NPR2: variants seen among roughly 807,000 people sequenced by gnomAD.
NPR2 encodes the protein natriuretic peptide receptor 2, also known as atrial natriuretic peptide receptor 2.
In NPR2, 49 loss-of-function variants were observed where a neutral mutation model predicts 120.7. The ratio of observed to expected loss-of-function variants is 0.41; its 90% confidence interval spans 0.32 to 0.52. The LOEUF (loss-of-function observed/expected upper bound fraction) is 0.52, where lower values mean the gene tolerates loss of function less well. Ranked by LOEUF, NPR2 falls within the 20% of genes least tolerant of loss-of-function variation. The pLI, the probability that NPR2 is intolerant of heterozygous loss-of-function variation, is 0.36. For synonymous variants in NPR2, 484 were observed against 519.8 expected (o/e 0.93, Z 0.94); for missense variants, 931 against 1,362.9 (o/e 0.68, Z 4.99).
Position 35,806,414 on chromosome 9 carries a change from G to A in NPR2, c.2395G>A (p.Asp799Asn). ...TAGGGAGGGTGGCACCAGCATATTG[G>A]ACAACCTCCTGCTGCGCATGGAACA... ...FNKEGGTSIL[D>N]NLLLRMEQYA... The change falls in exon 16 of 22, where the codon GAC (aspartate) becomes AAC (asparagine). Residue 799 changes from aspartate to asparagine, a missense_variant. By Grantham distance (23) the Asp-to-Asn change is conservative. Coordinates refer to ENST00000342694, the MANE Select transcript of NPR2 (RefSeq NM_003995.4). This position sits in a 1 kb window ranked among gnomAD's most constrained non-coding sequence, Gnocchi z 4.6. 6.2e-7 allele frequency: 1 copy of A among 1,614,016 alleles called. No homozygotes were observed. Among genetic ancestry groups the A allele is most frequent in the Non-Finnish European group, 8.5e-7 (1 of 1,179,904 alleles).
In NPR2 at chr9:35,802,250, G is replaced by A. The variant is rs1828197088; in HGVS notation, c.1677G>A (p.Glu559=). The A allele has an allele frequency of 1.2e-6, 2 of 1,608,138 alleles. No homozygotes were observed. The highest frequency in any genetic ancestry group is 1.7e-6 in the Non-Finnish European group (2 of 1,174,970). ...AACATGTGAATAAGAAGCGCATTGA[G>A]CTGACCCGGCAGGTTCTGTTTGAAC... The part of the protein sequence containing the change: ...AIKHVNKKRI[E]LTRQVLFELK... Residue 559 remains glutamate, a synonymous_variant, in exon 10 of 22, where the codon GAG becomes GAA. Transcript: ENST00000342694. The surrounding 1 kb of genome is among the most constrained non-coding windows in gnomAD (Gnocchi z 4.2).
intron 2 of NPR2, among the ~76,000 whole-genome samples, chr9:35,798,224 G>C (rs745748836): frequency 3.3e-5 from 5 of 152,190 alleles, no homozygotes; most frequent in African/African-American, 1.2e-4. Flanking sequence ...TGTTGAACCT[G>C]ATCTTTTCTC....
intron 12 of NPR2, among the ~76,000 whole-genome samples, chr9:35,803,540 A>T (rs1156344431): frequency 6.6e-6 from 1 of 152,242 alleles, no homozygotes; most frequent in East Asian, 1.9e-4. Flanking sequence ...ACTGAAATTT[A>T]AAAAAGGAAC....
rs753013012 is a variant in NPR2 at position 35,801,190 on chromosome 9, C to T, written c.1436+36C>T. On this transcript the variant is annotated intron_variant, in intron 7 of 21. Transcript: ENST00000342694. Reference sequence around the variant, plus strand: ...GGTTTCTTGCTGACCTACTCCCTGCCCCCATTGCCACACAACCTCTGGCTG... The same window carrying T: ...GGTTTCTTGCTGACCTACTCCCTGCTCCCATTGCCACACAACCTCTGGCTG... The T allele has an allele frequency of 2.7e-6, 4 of 1,483,572 alleles. No individual in the cohort carries two copies. The African/African-American group carries it at 5.5e-5, about 20-fold the overall frequency. The allele number at this position is 1,483,572 out of a possible 1,614,324, so 91.9% of individuals were successfully genotyped here.
At chr9:35,795,653 G>A (rs1414822373) in intron 2 of NPR2, among the ~76,000 whole-genome samples, 1 of 152,202 alleles carries the variant, frequency 6.6e-6, no homozygotes. Context: ...ATGGGCAGTG[G>A]CAGGGCAGGT....
chr9:35,800,953 C>A lies in NPR2; in HGVS notation c.1351+112C>A. On this transcript the variant is annotated intron_variant, in intron 6 of 21. Coordinates refer to ENST00000342694, the MANE Select transcript of NPR2 (RefSeq NM_003995.4). This position sits in a 1 kb window ranked among gnomAD's most constrained non-coding sequence, Gnocchi z 4.7. ...TGTGCTTCTGCCTTTACGTCTGCAT[C>A]CCTCCCTCCTCATTTCTTCCTACTC... is the stretch of plus-strand genomic sequence containing the variant. 1 of 1,541,554 alleles carries A rather than the reference C, an allele frequency of 6.5e-7. No individual in the cohort carries two copies. Among genetic ancestry groups the A allele is most frequent in the Non-Finnish European group, 9.0e-7 (1 of 1,113,884 alleles).
chr9:35,793,163 A>G, intron 1 of NPR2, 88 bp downstream of exon 1: 1 of 1,354,422 alleles, frequency 7.4e-7, no homozygotes, highest in Non-Finnish European at 9.9e-7. Flanking sequence ...AGATGGAGAT[A>G]GGCATTGAGC....
Position 35,809,420 on chromosome 9 carries a change from G to T in NPR2, c.3119G>T (p.Arg1040Leu), listed in dbSNP as rs146546770. The stretch of plus-strand genomic sequence containing the variant: ...CGAACATACTGGCTCTTAGGAGAGC[G>T]GAAAGGACCTCCTGGACTCCTGTAA... ...KMRTYWLLGERKGPPGLL is the reference protein window; with the variant it reads ...KMRTYWLLGELKGPPGLL Residue 1040 changes from arginine to leucine, a missense_variant, in exon 22 of 22, where the codon CGG (arginine) becomes CTG (leucine). By Grantham distance (102) the Arg-to-Leu change is moderately radical. Coordinates refer to ENST00000342694, the MANE Select transcript of NPR2 (RefSeq NM_003995.4). This position sits in a 1 kb window ranked among gnomAD's most constrained non-coding sequence, Gnocchi z 4.1. The T allele has an allele frequency of 1.9e-6, 3 of 1,614,150 alleles. No individual in the cohort carries two copies. Among genetic ancestry groups the T allele is most frequent in the Non-Finnish European group, 2.5e-6 (3 of 1,180,032 alleles).
chr9:35,795,794 T>C (rs1234068833), intron 2 of NPR2, among the ~76,000 whole-genome samples: 2 of 152,230 alleles, frequency 1.3e-5, no homozygotes, highest in African/African-American at 4.8e-5. Context: ...TAAGTGGGAC[T>C]GAATTTCCTA....
chr9:35,794,094 G>A lies in NPR2; in HGVS notation c.864G>A (p.Glu288=). 6.2e-7 allele frequency: 1 copy of A among 1,613,744 alleles called. No individual in the cohort carries two copies. Among genetic ancestry groups the A allele is most frequent in the Non-Finnish European group, 8.5e-7 (1 of 1,179,700 alleles). Reference sequence around the variant, plus strand: ...GGGAACAGGCCCAGGCCCTCAGAGAGGCCTTTCAGGTATCATTTGAGCCAA... The same window carrying A: ...GGGAACAGGCCCAGGCCCTCAGAGAAGCCTTTCAGGTATCATTTGAGCCAA... ...RTREQAQALR[E]AFQTVLVITY... is the part of the protein sequence containing the mutation. The change falls in exon 2 of 22, where the codon GAG becomes GAA. Residue 288 remains glutamate, a synonymous_variant. Coordinates refer to ENST00000342694, the MANE Select transcript of NPR2 (RefSeq NM_003995.4).
rs1264860622 is a variant in NPR2, at chr9:35,808,278, G to A, written c.2713-231G>A. 7.4e-6 allele frequency: 12 copies of A among 1,613,506 alleles called. No homozygotes were observed. The highest frequency in any genetic ancestry group is 6.7e-5 in the Admixed American group (4 of 59,988). On this transcript the variant is annotated intron_variant, in intron 18 of 21. Coordinates refer to ENST00000342694, the MANE Select transcript of NPR2 (RefSeq NM_003995.4). The surrounding 1 kb of genome is among the most constrained non-coding windows in gnomAD (Gnocchi z 4.0). Reference sequence around the variant, plus strand: ...TGCAGACAGGGTGTTCATTCATTCCGCAAATGTTTACTGAGTATTCACCAG... The same window carrying A: ...TGCAGACAGGGTGTTCATTCATTCCACAAATGTTTACTGAGTATTCACCAG...
rs1018640783 is a variant in NPR2 at position 35,802,674 on chromosome 9, A to G, written c.1816-58A>G. On this transcript the variant is annotated intron_variant, in intron 11 of 21. Coordinates refer to ENST00000342694, the MANE Select transcript of NPR2 (RefSeq NM_003995.4). The surrounding 1 kb of genome is among the most constrained non-coding windows in gnomAD (Gnocchi z 4.2). ...ATAGACCCAAAGTTATACTGACTCT[A>G]TGCTGGGTGATAGCTGGTGGGACCA... 3.4e-6 allele frequency: 5 copies of G among 1,483,598 alleles called. No homozygotes were observed. The South Asian group carries it at 4.5e-5, about 13-fold the overall frequency. The allele number at this position is 1,483,598 out of a possible 1,614,324, so 91.9% of individuals were successfully genotyped here. A position where few individuals can be genotyped will look rare whatever the true frequency, so the allele number is the denominator to read the frequency against.
chr9:35,797,817 A>G (rs766965495), intron 2 of NPR2, among the ~76,000 whole-genome samples: 23 of 152,064 alleles, frequency 1.5e-4, no homozygotes, highest in Non-Finnish European at 3.4e-4. Flanking sequence ...CTAGCATAGC[A>G]GTTTAGGGGG....
chr9:35,801,235 A>C, intron 7 of NPR2, 81 bp downstream of exon 7: 2 of 1,034,184 alleles, frequency 1.9e-6, no homozygotes, highest in Non-Finnish European at 3.1e-6. Flanking sequence ...GGTCCCTATA[A>C]TGTGGGATAG....
rs1222562746 is a variant in NPR2 at position 35,800,780 on chromosome 9, G to A, written c.1290G>A (p.Gly430=). Residue 430 remains glycine (G), a synonymous_variant, in exon 6 of 22, where the codon GGG becomes GGA. Coordinates refer to ENST00000342694, the MANE Select transcript of NPR2 (RefSeq NM_003995.4). This position sits in a 1 kb window ranked among gnomAD's most constrained non-coding sequence, Gnocchi z 4.7. ...WTGRPIPWVK[G]APPSDNPPCA... is the part of the protein sequence containing the mutation. Reference sequence around the variant, plus strand: ...GACGGCCTATTCCCTGGGTGAAGGGGGCTCCTCCCTCGGACAATCCCCCCT... The same window carrying A: ...GACGGCCTATTCCCTGGGTGAAGGGAGCTCCTCCCTCGGACAATCCCCCCT... The A allele has an allele frequency of 2.5e-6, 4 of 1,614,118 alleles. No homozygotes were observed. The African/African-American group carries it at 5.3e-5, about 22-fold the overall frequency.
At chr9:35,803,326 G>A (rs537609121) in intron 12 of NPR2, among the ~76,000 whole-genome samples, 1 of 83,642 alleles carries the variant, frequency 1.2e-5, no homozygotes, top group Non-Finnish European at 2.2e-5. Flanking sequence ...GGATGGTCTC[G>A]ATCTCTTGAC....
rs201117899 is a variant in NPR2, at chr9:35,806,362, A to G, written c.2373-30A>G. On this transcript the variant is annotated intron_variant, in intron 15 of 21. Coordinates refer to ENST00000342694, the MANE Select transcript of NPR2 (RefSeq NM_003995.4). The surrounding 1 kb of genome is among the most constrained non-coding windows in gnomAD (Gnocchi z 4.6). ...GTCCTGGGAATCTTCAGAATCTTAG[A>G]GCAAGTGCCTTATCCTGGCCTCCCT... is the stretch of plus-strand genomic sequence containing the variant. 6.2e-7 allele frequency: 1 copy of G among 1,613,238 alleles called. No homozygotes were observed. The highest frequency in any genetic ancestry group is 8.5e-7 in the Non-Finnish European group (1 of 1,179,234).
intron 2 of NPR2, among the ~76,000 whole-genome samples, chr9:35,798,718 G>A (rs1563986181): frequency 6.6e-6 from 1 of 152,192 alleles, no homozygotes; most frequent in Non-Finnish European, 1.5e-5. Context: ...GCAGAAGTTG[G>A]TCTCAGTGAC....
intron 2 of NPR2, among the ~76,000 whole-genome samples, chr9:35,797,984 C>T (rs537529671): frequency 5.3e-5 from 8 of 152,174 alleles, no homozygotes; most frequent in East Asian, 1.9e-4. Flanking sequence ...TGTGTTCTTG[C>T]GTTTTCAAAA....
Sources: gnomAD v4.1 joint callset for allele counts (sites outside exome capture counted in the v4.1 genomes callset) on GRCh38, gnomAD v4.1.1 for gene constraint, Gnocchi (gnomAD v3.1) non-coding constraint, MANE v1.5 for transcripts, NCBI Gene and HGNC (gene_info 2026-07-23, HGNC 2026-07-21) for gene names.